Variants in LRRC72 observed in about 807,000 individuals in gnomAD.
The protein encoded by LRRC72 is leucine rich repeat containing 72.
Under a neutral mutation model 35.8 loss-of-function variants are expected in LRRC72, and 41 were observed. That is an observed-to-expected ratio of 1.15 (90% CI 0.89 to 1.49). The LOEUF (loss-of-function observed/expected upper bound fraction) is 1.49, where lower values mean the gene tolerates loss of function less well. LRRC72 is among the 40% of genes most tolerant of loss of function. The pLI is 0.00. For missense variants in LRRC72, 389 were observed against 330.7 expected, an observed-to-expected ratio of 1.18 and a Z score of -1.37; for synonymous variants, 118 against 119.2, an observed-to-expected ratio of 0.99 and a Z score of 0.07.
At chr7:16,532,759 A>G (rs943232549) in intron 2 of LRRC72, 191 bp downstream of exon 2, 5 of 651,842 alleles carry the variant, frequency 7.7e-6, no homozygotes, top group African/African-American at 7.3e-5. Flanking sequence ...ATTAAAAAAA[A>G]AAAAATTATG....
intron 2 of LRRC72, among the ~76,000 whole-genome samples, chr7:16,533,415 C>T (rs993634198): frequency 2.0e-5 from 3 of 151,992 alleles, no homozygotes; most frequent in African/African-American, 4.8e-5. Context: ...TCTCACTGGC[C>T]GATAAATGAC....
At chr7:16,547,092 C>A (rs1159033540) in intron 3 of LRRC72, among the ~76,000 whole-genome samples, 1 of 152,128 alleles carries the variant, frequency 6.6e-6, no homozygotes. Context: ...GCTCCCAGGC[C>A]CAGAGCCTCC....
intron 2 of LRRC72, among the ~76,000 whole-genome samples, chr7:16,533,073 G>A (rs572871047): frequency 1.2e-3 from 177 of 152,144 alleles, no homozygotes; most frequent in African/African-American, 3.9e-3. Context: ...GTGAAGCTTA[G>A]GTGAGTTAGT....
At chr7:16,538,508 C>T (rs565157291) in intron 3 of LRRC72, among the ~76,000 whole-genome samples, 8 of 152,164 alleles carry the variant, frequency 5.3e-5, no homozygotes, top group African/African-American at 9.7e-5. Flanking sequence ...ATCACCCTCA[C>T]GTGCAGAATC....
chr7:16,555,588 C>G (rs974969990), intron 3 of LRRC72, among the ~76,000 whole-genome samples: 2 of 152,152 alleles, frequency 1.3e-5, no homozygotes, highest in Non-Finnish European at 2.9e-5. Context: ...GCGTGGCCAA[C>G]ATAGTGAAAC....
intron 7 of LRRC72, among the ~76,000 whole-genome samples, chr7:16,576,363 A>G (rs977055678): frequency 1.3e-5 from 2 of 152,192 alleles, no homozygotes; most frequent in Non-Finnish European, 2.9e-5. Flanking sequence ...GAGAAATATG[A>G]ATTATTTTAT....
At chr7:16,541,148 A>C (rs981424390) in intron 3 of LRRC72, among the ~76,000 whole-genome samples, 1 of 152,232 alleles carries the variant, frequency 6.6e-6, no homozygotes, top group African/African-American at 2.4e-5. Context: ...GACCGAACTA[A>C]AATTCAAACC....
chr7:16,530,939 G>A (rs960535703), intron 1 of LRRC72, among the ~76,000 whole-genome samples: 2 of 152,106 alleles, frequency 1.3e-5, no homozygotes, highest in Non-Finnish European at 2.9e-5. Flanking sequence ...GCTCACTCCT[G>A]TAATCCTAGC....
intron 5 of LRRC72, among the ~76,000 whole-genome samples, chr7:16,565,081 T>C (rs1197876184): frequency 1.3e-5 from 2 of 152,152 alleles, no homozygotes; most frequent in African/African-American, 2.4e-5. Context: ...ATCTAGTGGT[T>C]CTCCTTATTA....
intron 3 of LRRC72, among the ~76,000 whole-genome samples, chr7:16,547,279 T>C (rs943764413): frequency 6.6e-6 from 1 of 151,966 alleles, no homozygotes; most frequent in Non-Finnish European, 1.5e-5. Context: ...AGTCACCCAC[T>C]GGTGGAGGAG....
intron 1 of LRRC72, 55 bp from the exon 2 acceptor site, chr7:16,532,440 C>T: frequency 7.8e-7 from 1 of 1,281,004 alleles, no homozygotes; most frequent in Non-Finnish European, 1.1e-6. Context: ...CTGCAAGTGC[C>T]TCAGCACTTT....
At chr7:16,547,450 T>C (rs553472673) in intron 3 of LRRC72, among the ~76,000 whole-genome samples, 2 of 152,202 alleles carry the variant, frequency 1.3e-5, no homozygotes, top group African/African-American at 2.4e-5. Context: ...TCTTGGGATC[T>C]GGGAGCAGGC....
chr7:16,570,409 T>C (rs1398411654), intron 7 of LRRC72, among the ~76,000 whole-genome samples: 1 of 152,246 alleles, frequency 6.6e-6, no homozygotes, highest in Non-Finnish European at 1.5e-5. Flanking sequence ...TCCTGGTATC[T>C]GCAACTTTCA....
At chr7:16,572,198 T>C (rs189453084) in intron 7 of LRRC72, among the ~76,000 whole-genome samples, 1 of 152,300 alleles carries the variant, frequency 6.6e-6, no homozygotes, top group East Asian at 1.9e-4. Context: ...CAGGACCAGA[T>C]GTATTCACAG....
chr7:16,579,021 A>G (rs1783094306), intron 7 of LRRC72, among the ~76,000 whole-genome samples: 1 of 152,220 alleles, frequency 6.6e-6, no homozygotes, highest in Admixed American at 6.5e-5. Context: ...TATTACACAA[A>G]TGAATAAATT....
chr7:16,550,627 C>A (rs751633711), intron 3 of LRRC72, among the ~76,000 whole-genome samples: 6 of 152,170 alleles, frequency 3.9e-5, no homozygotes, highest in Non-Finnish European at 8.8e-5. Flanking sequence ...TTTAAGTGAT[C>A]TTTTGTTACT....
At chr7:16,540,023 G>A (rs924599581) in intron 3 of LRRC72, among the ~76,000 whole-genome samples, 1 of 152,198 alleles carries the variant, frequency 6.6e-6, no homozygotes, top group Admixed American at 6.5e-5. Context: ...GTTGTGAGAA[G>A]AGGGCCATCA....
intron 8 of LRRC72, 46 bp downstream of exon 8, chr7:16,580,147 T>C (rs1783116764): frequency 3.4e-6 from 1 of 293,776 alleles, no homozygotes; most frequent in African/African-American, 2.3e-5. Flanking sequence ...ATTTCATAAT[T>C]GTGTTGTCCC....
intron 2 of LRRC72, chr7:16,537,272 A>G (rs1782273339): frequency 5.9e-6 from 1 of 169,370 alleles, no homozygotes; most frequent in Non-Finnish European, 1.2e-5. Context: ...TACATTTCCC[A>G]CATTTACTTG....
Sources: allele counts gnomAD v4.1 joint callset (sites outside exome capture counted in the v4.1 genomes callset), GRCh38; gene constraint gnomAD v4.1.1; transcripts MANE v1.5; gene names NCBI Gene and HGNC (gene_info 2026-07-23, HGNC 2026-07-21).